GOLGA6L7: variants seen among roughly 807,000 people sequenced by gnomAD.
The protein encoded by GOLGA6L7 is golgin subfamily A member 6-like protein 7.
A neutral mutation model predicts 68.9 loss-of-function variants in GOLGA6L7; 29 were observed. The observed-to-expected ratio is 0.42, with a 90% CI of 0.31 to 0.57. The LOEUF (loss-of-function observed/expected upper bound fraction) is 0.57, where lower values mean the gene tolerates loss of function less well. Ranked by LOEUF, GOLGA6L7 falls within the 20% of genes least tolerant of loss-of-function variation. The pLI, the probability that GOLGA6L7 is intolerant of heterozygous loss-of-function variation, is 0.13. For synonymous variants in GOLGA6L7, 133 were observed against 197.4 expected (o/e 0.67, Z 2.73); for missense variants, 396 against 588.4 (o/e 0.67, Z 3.38).
At chr15:28,846,004 AC>A (rs1354126353) in intron 3 of GOLGA6L7, 54 bp from the exon 4 acceptor site, 1 of 909,086 alleles carries the variant, frequency 1.1e-6, no homozygotes, top group Non-Finnish European at 1.8e-6. Context: ...CAGAGATGGC[AC>A]AGCAAGAGAC....
intron 6 of GOLGA6L7, chr15:28,845,308 G>A (rs370798036): frequency 1.6e-5 from 10 of 634,362 alleles, no homozygotes; most frequent in Non-Finnish European, 2.3e-5. Context: ...CTTGGCCTCC[G>A]AGCTCTGTGT....
chr15:28,842,239 A>T lies in GOLGA6L7; in HGVS notation c.1865T>A (p.Ile622Asn), dbSNP rs2141049931. Residue 622 changes from isoleucine to asparagine, a missense_variant, in exon 9 of 9, where the codon ATC (isoleucine) becomes AAC (asparagine). Ile to Asn is a moderately radical substitution (Grantham distance 149, BLOSUM62 -3). Coordinates refer to ENST00000567390, the MANE Select transcript of GOLGA6L7 (RefSeq NM_001365371.2). ...AGGCCTTGTTGACCGTTCTTTTTAG[A>T]TACTGATGATCTTGATCTTTTTCTT... ...GDKKKIKIIS[I>N] 1 of 1,228,918 alleles carries T rather than the reference A, an allele frequency of 8.1e-7. No homozygotes were observed. Among genetic ancestry groups the T allele is most frequent in the East Asian group, 3.2e-5 (1 of 31,696 alleles). 76.1% of individuals were successfully genotyped at this position (1,228,918 alleles called of 1,614,324 possible).
intron 1 of GOLGA6L7, among the ~76,000 whole-genome samples, chr15:28,848,068 G>T (rs906597420): frequency 9.2e-5 from 14 of 152,198 alleles, no homozygotes; most frequent in Non-Finnish European, 1.6e-4. Flanking sequence ...AAGAGCCCAG[G>T]GAAGTCAGGC....
chr15:28,844,192 TC>T lies in GOLGA6L7; in HGVS notation c.521+12del. The T allele has an allele frequency of 5.1e-6, 1 of 195,590 alleles. No homozygotes were observed. 12.1% of individuals were successfully genotyped at this position (195,590 alleles called of 1,614,324 possible). A position where few individuals can be genotyped will look rare whatever the true frequency, so the allele number is the denominator to read the frequency against. On this transcript the variant is annotated intron_variant, in intron 7 of 8. Coordinates refer to ENST00000567390, the MANE Select transcript of GOLGA6L7 (RefSeq NM_001365371.2). ...GGCTCTCAGACCTCCCATCCCCCCC[TC>T]CCCTATCCTACATGTTCCTGAACAG...
At chr15:28,844,344 C>T (rs1567381383) in intron 6 of GOLGA6L7, 81 bp from the exon 7 acceptor site, 3 of 429,934 alleles carry the variant, frequency 7.0e-6, no homozygotes, top group African/African-American at 4.1e-5. Flanking sequence ...TACACTGATA[C>T]TCCACAGTAA....
Position 28,845,544 on chromosome 15 carries a change from G to C in GOLGA6L7, c.447C>G (p.His149Gln), listed in dbSNP as rs577453827. ...QRALSAMSAE[H>Q]ERADKYIKEL... ...TTGGACTCACCTTGTCCGCCCTCTC[G>C]TGCTCTGCGGACATAGCAGAGAGAG... The change falls in exon 6 of 9, where the codon CAC becomes CAG. Residue 149 changes from histidine to glutamine, a missense_variant. By Grantham distance (24) the His-to-Gln change is conservative (BLOSUM62 0). Around this residue, in one of 5 missense-constraint regions of GOLGA6L7, gnomAD observed 125 missense variants for 119.4 expected, o/e 1.05. Coordinates refer to ENST00000567390, the MANE Select transcript of GOLGA6L7 (RefSeq NM_001365371.2). 1 of 729,270 alleles carries C rather than the reference G, an allele frequency of 1.4e-6. No individual in the cohort carries two copies. The highest frequency in any genetic ancestry group is 2.4e-6 in the Non-Finnish European group (1 of 409,350). 45.2% of individuals were successfully genotyped at this position (729,270 alleles called of 1,614,324 possible). A position where few individuals can be genotyped will look rare whatever the true frequency, so the allele number is the denominator to read the frequency against.
Position 28,843,969 on chromosome 15 carries a change from C to A in GOLGA6L7, c.522-94G>T, listed in dbSNP as rs913503997. On this transcript the variant is annotated intron_variant, in intron 7 of 8. Coordinates refer to ENST00000567390, the MANE Select transcript of GOLGA6L7 (RefSeq NM_001365371.2). ...CTACCCTCGCCCCACAACCACAGAA[C>A]CGTGGCACTGGAAGGGACCCCAGGA... 3.9e-5 allele frequency: 25 copies of A among 641,004 alleles called. No homozygotes were observed. The African/African-American group carries it at 4.3e-4, about 11-fold the overall frequency. 39.7% of individuals were successfully genotyped at this position (641,004 alleles called of 1,614,324 possible). A position where few individuals can be genotyped will look rare whatever the true frequency, so the allele number is the denominator to read the frequency against.
At chr15:28,844,732 AC>A (rs1223196666) in intron 6 of GOLGA6L7, among the ~76,000 whole-genome samples, 1 of 151,978 alleles carries the variant, frequency 6.6e-6, no homozygotes, top group African/African-American at 2.4e-5. Flanking sequence ...CACTGTTGGA[AC>A]CTTTCTTGAG....
Position 28,847,122 on chromosome 15 carries a change from A to T in GOLGA6L7, c.122T>A (p.Ile41Lys), listed in dbSNP as rs771198412. Residue 41 changes from isoleucine (I) to lysine (K), a missense_variant, in exon 2 of 9, where the codon ATA (isoleucine) becomes AAA (lysine). Coordinates refer to ENST00000567390, the MANE Select transcript of GOLGA6L7 (RefSeq NM_001365371.2). Reference protein sequence around the residue: ...TGATDTKKKKINHGANPETTT... With the variant: ...TGATDTKKKKKNHGANPETTT... ...TGTCTCAGGGTTAGCGCCATGATTTATTTTCTTCTTTTTGGTGTCGGTTGC... is the reference window on the plus strand; with the variant it reads ...TGTCTCAGGGTTAGCGCCATGATTTTTTTTCTTCTTTTTGGTGTCGGTTGC... 4.2e-6 allele frequency: 5 copies of T among 1,190,874 alleles called. No homozygotes were observed. Among genetic ancestry groups the T allele is most frequent in the South Asian group, 3.7e-5 (3 of 80,296 alleles). 73.8% of individuals were successfully genotyped at this position (1,190,874 alleles called of 1,614,324 possible).
At chr15:28,844,430 C>CTTTT (rs3062970) in intron 6 of GOLGA6L7, among the ~76,000 whole-genome samples, 167 bp from the exon 7 acceptor site, 4,741 of 128,574 alleles carry the variant, frequency 0.037, 212 homozygotes, top group East Asian at 0.14. Flanking sequence ...TTTTTCTTTT[C>CTTTT]TTTTTTTTTT....
chr15:28,846,114 C>G (rs2030417304), intron 3 of GOLGA6L7, 106 bp downstream of exon 3: 2 of 726,780 alleles, frequency 2.8e-6, no homozygotes, highest in South Asian at 1.5e-5. Context: ...GGAGGTGAGC[C>G]TTCCTCCCCA....
At position 28,843,776 on chromosome 15, in the gene GOLGA6L7, C is replaced by T. The variant is rs1201820573; in HGVS notation, c.621G>A (p.Glu207=). 6 of 679,270 alleles carry T rather than the reference C, an allele frequency of 8.8e-6. No homozygotes were observed. The highest frequency in any genetic ancestry group is 5.4e-5 in the African/African-American group (3 of 55,446). The allele number at this position is 679,270 out of a possible 1,614,324, so 42.1% of individuals were successfully genotyped here. ...TGTCCGTCTCCAGTTTCCTTTTTAG[C>T]TCCTTGATGTGGAGCTGGATCTCAG... ...EKSEIQLHIK[E]LKRKLETDKI... The change falls in exon 8 of 9, where the codon GAG becomes GAA. Residue 207 remains glutamate (E), a synonymous_variant. Transcript: ENST00000567390.
intron 8 of GOLGA6L7, 26 bp downstream of exon 8, chr15:28,843,708 A>G: frequency 4.7e-6 from 3 of 633,880 alleles, no homozygotes. Flanking sequence ...TGCGGCTCCC[A>G]CACCCCCGGG....
At position 28,842,264 on chromosome 15, in the gene GOLGA6L7, T is replaced by C. The variant is rs2030213556; in HGVS notation, c.1840A>G (p.Lys614Glu). 2 of 1,229,954 alleles carry C rather than the reference T, an allele frequency of 1.6e-6. No individual in the cohort carries two copies. The highest frequency in any genetic ancestry group is 8.2e-5 in the South Asian group (2 of 24,280). The allele number at this position is 1,229,954 out of a possible 1,614,324, so 76.2% of individuals were successfully genotyped here. ...ATACTGATGATCTTGATCTTTTTCT[T>C]GTCTCCTCCGTAGAAGAATGGGATG... ...SCIPFFYGGDKKKIKIISI is the reference protein window; with the variant it reads ...SCIPFFYGGDEKKIKIISI The change falls in exon 9 of 9, where the codon AAG becomes GAG. Residue 614 changes from lysine to glutamate, a missense_variant. Physicochemically the swap from Lys to Glu is moderately conservative, Grantham distance 56. Coordinates refer to ENST00000567390, the MANE Select transcript of GOLGA6L7 (RefSeq NM_001365371.2).
At chr15:28,848,469 G>A in intron 1 of GOLGA6L7, 30 bp downstream of exon 1, 1 of 673,890 alleles carries the variant, frequency 1.5e-6, no homozygotes, top group East Asian at 2.8e-5. Context: ...CTGGGTTGGG[G>A]TTGGGGTGCT....
At position 28,842,403 on chromosome 15, in the gene GOLGA6L7, A is replaced by C; in HGVS notation, c.1701T>G (p.Pro567=). ...AATAACCCTTCCCGGCCTCTCGTGC[A>C]GGCTCCAGGCTGCCAGGGTGGCTCA... The part of the protein sequence containing the change: ...SDMSHPGSLE[P]AREAGKGYSH... The change falls in exon 9 of 9, where the codon CCT becomes CCG. Residue 567 remains proline (P), a synonymous_variant. Coordinates refer to ENST00000567390, the MANE Select transcript of GOLGA6L7 (RefSeq NM_001365371.2). The C allele has an allele frequency of 8.3e-7, 1 of 1,205,192 alleles. No individual in the cohort carries two copies. Among genetic ancestry groups the C allele is most frequent in the Non-Finnish European group, 1.0e-6 (1 of 959,116 alleles). The allele number at this position is 1,205,192 out of a possible 1,614,324, so 74.7% of individuals were successfully genotyped here.
At chr15:28,846,126 G>A in intron 3 of GOLGA6L7, 94 bp downstream of exon 3, 1 of 723,536 alleles carries the variant, frequency 1.4e-6, no homozygotes. Flanking sequence ...TCCTCCCCAA[G>A]CTGGGAGTAG....
chr15:28,842,472 C>T lies in GOLGA6L7; in HGVS notation c.1632G>A (p.Arg544=). The change falls in exon 9 of 9, where the codon CGG becomes CGA. Residue 544 remains arginine (R), a synonymous_variant. Coordinates refer to ENST00000567390, the MANE Select transcript of GOLGA6L7 (RefSeq NM_001365371.2). ...AGGGAGGGAGGCAGGGCTCTGAGCA[C>T]CGCTCCTCCTGCGTCTTCTCCTGCT... ...MGEQEKTQEE[R]CSEPCLPPSK... 8.7e-7 allele frequency: 1 copy of T among 1,148,606 alleles called. No individual in the cohort carries two copies. Among genetic ancestry groups the T allele is most frequent in the Non-Finnish European group, 1.1e-6 (1 of 902,132 alleles). 71.2% of individuals were successfully genotyped at this position (1,148,606 alleles called of 1,614,324 possible).
chr15:28,845,633 C>A lies in GOLGA6L7; in HGVS notation c.358G>T (p.Asp120Tyr). The change falls in exon 6 of 9, where the codon GAT (aspartate) becomes TAT (tyrosine). Residue 120 changes from aspartate (D) to tyrosine (Y), a missense_variant and splice_region_variant. By Grantham distance (160) the Asp-to-Tyr change is radical. Coordinates refer to ENST00000567390, the MANE Select transcript of GOLGA6L7 (RefSeq NM_001365371.2). ...SQDAARKFEE[D>Y]SKDLAARLHH... ...AGGCGGGCTGCCAGATCCTTGGAAT[C>A]TTCTGGAATGAGAGAGGTTGAGCTG... The A allele has an allele frequency of 1.3e-6, 1 of 746,352 alleles. No homozygotes were observed. Among genetic ancestry groups the A allele is most frequent in the African/African-American group, 1.7e-5 (1 of 58,414 alleles). 46.2% of individuals were successfully genotyped at this position (746,352 alleles called of 1,614,324 possible).
Sources: allele counts gnomAD v4.1 joint callset (sites outside exome capture counted in the v4.1 genomes callset), GRCh38; gene constraint gnomAD v4.1.1; regional missense constraint gnomAD v4.1.1; transcripts MANE v1.5; gene names NCBI Gene and HGNC (gene_info 2026-07-23, HGNC 2026-07-21).